RELCH: variants seen among roughly 807,000 people sequenced by gnomAD.
RELCH encodes RAB11-binding protein RELCH.
Under a neutral mutation model 150.3 loss-of-function variants are expected in RELCH, and 41 were observed. That is an observed-to-expected ratio of 0.27 (90% CI 0.21 to 0.35). RELCH has a LOEUF of 0.35. Ranked by LOEUF, RELCH falls within the 10% of genes least tolerant of loss-of-function variation. The pLI, the probability that RELCH is intolerant of heterozygous loss-of-function variation, is 1.00. For synonymous variants in RELCH, 478 were observed against 531.8 expected (o/e 0.90, Z 1.39); for missense variants, 1,092 against 1,467.8 (o/e 0.74, Z 4.18).
chr18:62,231,587 A>G (rs980266828), intron 9 of RELCH, among the ~76,000 whole-genome samples: 2 of 152,054 alleles, frequency 1.3e-5, no homozygotes, highest in Admixed American at 6.6e-5. Context: ...CTGTTTATAT[A>G]TTAATTGTTT....
chr18:62,262,528 G>T (rs2043326848), intron 16 of RELCH, among the ~76,000 whole-genome samples: 5 of 152,018 alleles, frequency 3.3e-5, no homozygotes, highest in Admixed American at 3.3e-4. Flanking sequence ...GAAGCCACAT[G>T]ATAAAAATAG....
Position 62,227,457 on chromosome 18 carries a change from C to G in RELCH, c.1027C>G (p.Leu343Val). The change falls in exon 6 of 29, where the codon CTT (leucine) becomes GTT (valine). Residue 343 changes from leucine to valine, a missense_variant. Coordinates refer to ENST00000644646, the MANE Select transcript of RELCH (RefSeq NM_001346231.2). ...GGCCCTTACACCAATTATAAGCAAC[C>G]TTCCTCCAACTCTTGAAACTCCCCA... ...LEALTPIISN[L>V]PPTLETPQPA... The G allele has an allele frequency of 6.2e-7, 1 of 1,613,206 alleles. No homozygotes were observed. The highest frequency in any genetic ancestry group is 8.5e-7 in the Non-Finnish European group (1 of 1,179,554).
At chr18:62,255,368 T>C (rs977770265) in intron 12 of RELCH, 39 bp from the exon 13 acceptor site, 2 of 1,293,974 alleles carry the variant, frequency 1.5e-6, no homozygotes, top group East Asian at 4.6e-5. Flanking sequence ...AGGGAGGGTA[T>C]GCTGTTTATG....
intron 15 of RELCH, among the ~76,000 whole-genome samples, chr18:62,260,325 C>A (rs1233784807): frequency 7.0e-6 from 1 of 142,746 alleles, no homozygotes; most frequent in African/African-American, 2.6e-5. Flanking sequence ...AAATCTAAAC[C>A]AAAATGAAGT....
intron 22 of RELCH, among the ~76,000 whole-genome samples, chr18:62,276,077 C>G (rs1013974808): frequency 1.3e-5 from 2 of 152,126 alleles, no homozygotes; most frequent in Non-Finnish European, 1.5e-5. Flanking sequence ...TTGTACCCAT[C>G]ATATAGCAAA....
chr18:62,245,766 A>T (rs2042376594), intron 11 of RELCH: 2 of 152,188 alleles, frequency 1.3e-5, no homozygotes, highest in African/African-American at 4.8e-5. Flanking sequence ...AAATTGCAAG[A>T]TAGTTACTTT....
At chr18:62,253,519 T>C (rs1246311697) in intron 12 of RELCH, among the ~76,000 whole-genome samples, 1 of 152,092 alleles carries the variant, frequency 6.6e-6, no homozygotes, top group East Asian at 1.9e-4. Context: ...CAGCACCTTA[T>C]TTTTCCACCT....
intron 8 of RELCH, among the ~76,000 whole-genome samples, chr18:62,229,518 G>GTGTGTGTGTGTGTGTGTCTGTC (rs539055675): frequency 8.8e-5 from 13 of 147,640 alleles, no homozygotes; most frequent in African/African-American, 3.0e-4. Context: ...GTGTGTGTGT[G>GTGTGTGTGTGTGTGTGTCTGTC]TGTCTGTCTG....
chr18:62,223,374 C>T (rs2041006310), intron 5 of RELCH, among the ~76,000 whole-genome samples: 1 of 151,942 alleles, frequency 6.6e-6, no homozygotes. Context: ...AAGACAACTG[C>T]CAAAGCACAC....
chr18:62,286,528 A>G (rs1432140361), intron 25 of RELCH, among the ~76,000 whole-genome samples: 4 of 152,168 alleles, frequency 2.6e-5, no homozygotes, highest in African/African-American at 7.2e-5. Flanking sequence ...GAAAGGGGTC[A>G]CTACAGTTGG....
intron 28 of RELCH, among the ~76,000 whole-genome samples, chr18:62,303,489 C>T (rs1419994396): frequency 6.6e-6 from 1 of 152,150 alleles, no homozygotes; most frequent in Non-Finnish European, 1.5e-5. Context: ...CTTAGAATAT[C>T]ATTAAAACTT....
chr18:62,306,968 A>G lies in RELCH; in HGVS notation c.*1434A>G, dbSNP rs1170669121. 3 of 152,672 alleles carry G rather than the reference A, an allele frequency of 2.0e-5. No homozygotes were observed. The highest frequency in any genetic ancestry group is 2.9e-5 in the Non-Finnish European group (2 of 68,026). 9.5% of individuals were successfully genotyped at this position (152,672 alleles called of 1,614,324 possible). A position where few individuals can be genotyped will look rare whatever the true frequency, so the allele number is the denominator to read the frequency against. On this transcript the variant is annotated 3_prime_UTR_variant, in exon 29 of 29. Coordinates refer to ENST00000644646, the MANE Select transcript of RELCH (RefSeq NM_001346231.2). ...AGCCATTTAAAAAGTTCATTCTGAA[A>G]TTATTTCATTTACCTACAGTGAAAT...
chr18:62,229,165 CT>C (rs1438460817), intron 8 of RELCH, among the ~76,000 whole-genome samples: 1 of 152,018 alleles, frequency 6.6e-6, no homozygotes. Flanking sequence ...AATTTTAAAA[CT>C]TTTAGATTAT....
intron 1 of RELCH, among the ~76,000 whole-genome samples, chr18:62,208,057 A>G (rs1315535307): frequency 4.6e-5 from 7 of 152,208 alleles, no homozygotes; most frequent in Non-Finnish European, 4.4e-5. Flanking sequence ...ATCTTCTGCA[A>G]CTTACCATCT....
chr18:62,305,544 A>G lies in RELCH; in HGVS notation c.*10A>G, dbSNP rs371440849. 3.1e-5 allele frequency: 49 copies of G among 1,603,748 alleles called. 2 individuals carry two copies. The African/African-American group carries it at 5.0e-4, about 16-fold the overall frequency. ...TCAGAGAAAGAAGTAGAAGCAGGAAAGAAGCCCCCAGTAAACACTAAGATG... is the reference window on the plus strand; with the variant it reads ...TCAGAGAAAGAAGTAGAAGCAGGAAGGAAGCCCCCAGTAAACACTAAGATG... On this transcript the variant is annotated 3_prime_UTR_variant, in exon 29 of 29. Transcript: ENST00000644646. This position sits in a 1 kb window ranked among gnomAD's most constrained non-coding sequence, Gnocchi z 4.0.
At chr18:62,285,178 C>G (rs780516576) in intron 25 of RELCH, among the ~76,000 whole-genome samples, 2 of 152,016 alleles carry the variant, frequency 1.3e-5, no homozygotes, top group Non-Finnish European at 2.9e-5. Flanking sequence ...TGCTCTGTCA[C>G]CCAGGCTGGA....
Position 62,231,289 on chromosome 18 carries a change from TC to T in RELCH, c.1524+22del. ...TACGAGGTAAATTATACCACCTATT[TC>T]CACAACTTTTTAAAAACATTCTACT... is the stretch of plus-strand genomic sequence containing the variant. On this transcript the variant is annotated intron_variant, in intron 9 of 28. Transcript: ENST00000644646. The T allele has an allele frequency of 6.8e-7, 1 of 1,477,266 alleles. No homozygotes were observed. Among genetic ancestry groups the T allele is most frequent in the Non-Finnish European group, 9.4e-7 (1 of 1,065,448 alleles). 91.5% of individuals were successfully genotyped at this position (1,477,266 alleles called of 1,614,324 possible).
At chr18:62,222,771 A>C (rs2040962366) in intron 5 of RELCH, among the ~76,000 whole-genome samples, 1 of 152,014 alleles carries the variant, frequency 6.6e-6, no homozygotes, top group South Asian at 2.1e-4. Context: ...GTGAATACAT[A>C]CTCTTTAAAT....
chr18:62,239,889 T>C (rs1037995045), intron 10 of RELCH, among the ~76,000 whole-genome samples: 3 of 152,104 alleles, frequency 2.0e-5, no homozygotes, highest in Non-Finnish European at 4.4e-5. Flanking sequence ...CCTTCTGTGC[T>C]ATGTATTAAA....
Sources: gnomAD v4.1 joint callset for allele counts (sites outside exome capture counted in the v4.1 genomes callset) on GRCh38, gnomAD v4.1.1 for gene constraint, Gnocchi (gnomAD v3.1) non-coding constraint, MANE v1.5 for transcripts, NCBI Gene and HGNC (gene_info 2026-07-23, HGNC 2026-07-21) for gene names.